CNTNAP2: variants seen among roughly 807,000 people sequenced by gnomAD.
CNTNAP2 encodes the protein contactin-associated protein-like 2.
CNTNAP2 carries 98 observed loss-of-function variants against 155.2 expected under a neutral mutation model. The observed-to-expected ratio is 0.63, with a 90% CI of 0.54 to 0.75. The LOEUF is 0.75. Ranked by LOEUF, CNTNAP2 falls within the 30% of genes least tolerant of loss-of-function variation. The probability of loss-of-function intolerance (pLI) is 0.00; values close to 1 mark genes in which losing one functional copy is unlikely to be tolerated. For synonymous variants in CNTNAP2, 651 were observed against 631.2 expected, an observed-to-expected ratio of 1.03 and a Z score of -0.47; for missense variants, 1,727 against 1,688.1, an observed-to-expected ratio of 1.02 and a Z score of -0.40.
rs779797746 is a variant in CNTNAP2, at chr7:147,108,226, T to C, written c.630T>C (p.Asp210=). ...FRNKKMKTLK[D]VIALNFKTSE... ...ACAAGAAGATGAAAACACTGAAAGATGTCATTGCCTTGAACTTTAAGACGT... is the reference window on the plus strand; with the variant it reads ...ACAAGAAGATGAAAACACTGAAAGACGTCATTGCCTTGAACTTTAAGACGT... The change falls in exon 5 of 24, where the codon GAT becomes GAC. Residue 210 remains aspartate (D), a synonymous_variant. Coordinates refer to ENST00000361727, the MANE Select transcript of CNTNAP2 (RefSeq NM_014141.6). 6.2e-7 allele frequency: 1 copy of C among 1,613,784 alleles called. No individual in the cohort carries two copies. The highest frequency in any genetic ancestry group is 1.1e-5 in the South Asian group (1 of 91,082).
chr7:147,478,170 G>GGT (rs1431804376), intron 10 of CNTNAP2, among the ~76,000 whole-genome samples: 2 of 151,522 alleles, frequency 1.3e-5, no homozygotes, highest in African/African-American at 2.4e-5. Context: ...TTGGGTGGTG[G>GGT]GGGAGGGAGT....
chr7:146,573,490 G>A (rs561948047), intron 1 of CNTNAP2, among the ~76,000 whole-genome samples: 5 of 152,198 alleles, frequency 3.3e-5, no homozygotes, highest in African/African-American at 1.2e-4. Context: ...TGGAGAGCTG[G>A]AGGGATGACA....
chr7:147,507,863 T>G (rs1244075174), intron 11 of CNTNAP2, among the ~76,000 whole-genome samples: 1 of 152,110 alleles, frequency 6.6e-6, no homozygotes, highest in African/African-American at 2.4e-5. Flanking sequence ...TTTCTCTTTC[T>G]TATAGTGGTT....
intron 4 of CNTNAP2, among the ~76,000 whole-genome samples, chr7:147,089,856 TCACTCTG>T (rs1289696347): frequency 6.6e-6 from 1 of 152,216 alleles, no homozygotes; most frequent in Non-Finnish European, 1.5e-5. Context: ...GCACCCGTCC[TCACTCTG>T]CACCAAAGGT....
intron 2 of CNTNAP2, among the ~76,000 whole-genome samples, chr7:146,783,194 A>C (rs1585088440): frequency 6.6e-6 from 1 of 152,296 alleles, no homozygotes; most frequent in South Asian, 2.1e-4. Flanking sequence ...CTTAGAATCT[A>C]TATATCTTAT....
chr7:147,300,938 A>G (rs556047106), intron 9 of CNTNAP2, among the ~76,000 whole-genome samples: 4 of 152,170 alleles, frequency 2.6e-5, no homozygotes, highest in Non-Finnish European at 5.9e-5. Context: ...GGGGAAAGCC[A>G]GTAAGTCAGG....
chr7:147,956,188 T>G (rs984050486), intron 14 of CNTNAP2, among the ~76,000 whole-genome samples: 4 of 152,154 alleles, frequency 2.6e-5, no homozygotes, highest in Non-Finnish European at 5.9e-5. Flanking sequence ...TGGTTACTGT[T>G]CCTGTTAAAA....
chr7:148,321,592 A>C (rs1241823840), intron 21 of CNTNAP2, among the ~76,000 whole-genome samples: 2 of 152,248 alleles, frequency 1.3e-5, no homozygotes, highest in African/African-American at 4.8e-5. Context: ...TGGCTCCCCA[A>C]AAGCAGCGTT....
chr7:147,766,104 GT>G (rs1299878756), intron 13 of CNTNAP2, among the ~76,000 whole-genome samples: 3 of 152,176 alleles, frequency 2.0e-5, no homozygotes, highest in Non-Finnish European at 4.4e-5. Context: ...GGCACAGGAA[GT>G]TTTTGGGGTT....
At chr7:147,069,324 T>C (rs1416705448) in intron 4 of CNTNAP2, among the ~76,000 whole-genome samples, 1 of 152,174 alleles carries the variant, frequency 6.6e-6, no homozygotes, top group Non-Finnish European at 1.5e-5. Context: ...TAATTACATA[T>C]ACTAAATCCA....
chr7:147,147,895 C>G (rs971855875), intron 8 of CNTNAP2, among the ~76,000 whole-genome samples: 6 of 152,082 alleles, frequency 3.9e-5, no homozygotes, highest in Admixed American at 1.3e-4. Flanking sequence ...AACAGTCCTC[C>G]ATGACTATCA....
intron 13 of CNTNAP2, among the ~76,000 whole-genome samples, chr7:147,690,580 A>G (rs547113303): frequency 6.8e-6 from 1 of 147,726 alleles, no homozygotes; most frequent in South Asian, 2.1e-4. Context: ...CAAATAATTA[A>G]TCTTAATATA....
chr7:147,997,301 C>T (rs1401172281), intron 15 of CNTNAP2, among the ~76,000 whole-genome samples: 1 of 152,134 alleles, frequency 6.6e-6, no homozygotes, highest in African/African-American at 2.4e-5. Flanking sequence ...GGCCTGTAAT[C>T]CCAGCACTTT....
At chr7:147,648,351 A>G (rs944711956) in intron 13 of CNTNAP2, among the ~76,000 whole-genome samples, 1 of 152,220 alleles carries the variant, frequency 6.6e-6, no homozygotes, top group African/African-American at 2.4e-5. Context: ...GAACAATACC[A>G]TTCTAGACAT....
intron 1 of CNTNAP2, among the ~76,000 whole-genome samples, chr7:146,703,866 T>C (rs1016148546): frequency 1.3e-5 from 2 of 152,106 alleles, no homozygotes; most frequent in African/African-American, 2.4e-5. Flanking sequence ...TTCCTGAAAT[T>C]TGTTCCATTT....
chr7:148,293,418 T>C (rs964243656), intron 21 of CNTNAP2, among the ~76,000 whole-genome samples: 12 of 152,278 alleles, frequency 7.9e-5, no homozygotes, highest in African/African-American at 2.9e-4. Flanking sequence ...ATGTAAAGAA[T>C]TGGGCACGGT....
At chr7:146,590,033 T>G (rs2129149281) in intron 1 of CNTNAP2, among the ~76,000 whole-genome samples, 1 of 152,338 alleles carries the variant, frequency 6.6e-6, no homozygotes, top group African/African-American at 2.4e-5. Flanking sequence ...TACGGAGGAA[T>G]GAATTTTAGC....
chr7:148,099,226 G>C (rs1056837976), intron 15 of CNTNAP2, among the ~76,000 whole-genome samples: 9 of 152,104 alleles, frequency 5.9e-5, no homozygotes, highest in Non-Finnish European at 1.3e-4. Context: ...AATTAATTGA[G>C]ATAAAACCTG....
Position 148,418,299 on chromosome 7 carries a change from C to T in CNTNAP2, c.*2683C>T, listed in dbSNP as rs1800038610. On this transcript the variant is annotated 3_prime_UTR_variant, in exon 24 of 24. Transcript: ENST00000361727. ...CACAGTGCAGCCTCCATAACCATGA[C>T]ATTCCCGCCCAAGCTCTCAGTGCCT... 1 of 152,376 alleles carries T rather than the reference C, an allele frequency of 6.6e-6. No individual in the cohort carries two copies. The highest frequency in any genetic ancestry group is 2.1e-4 in the South Asian group (1 of 4,830). The allele number at this position is 152,376 out of a possible 1,614,324, so 9.4% of individuals were successfully genotyped here. A position where few individuals can be genotyped will look rare whatever the true frequency, so the allele number is the denominator to read the frequency against.
Sources: allele counts gnomAD v4.1 joint callset (sites outside exome capture counted in the v4.1 genomes callset), GRCh38; gene constraint gnomAD v4.1.1; transcripts MANE v1.5; gene names NCBI Gene and HGNC (gene_info 2026-07-23, HGNC 2026-07-21).